The following SPTLC2 variants were observed in gnomAD, a reference collection of about 807,000 sequenced individuals.
The protein encoded by SPTLC2 is serine palmitoyltransferase 2.
SPTLC2 carries 21 observed loss-of-function variants against 62.0 expected under a neutral mutation model. The observed-to-expected ratio is 0.34, with a 90% CI of 0.24 to 0.49. The LOEUF (loss-of-function observed/expected upper bound fraction) is 0.49. Among genes scored for constraint, SPTLC2 ranks in the 20% least tolerant of loss-of-function variants. The pLI is 0.99. For missense variants in SPTLC2, 511 were observed against 713.0 expected (o/e 0.72, Z 3.23); for synonymous variants, 261 against 261.8 (o/e 1.00, Z 0.03).
intron 5 of SPTLC2, among the ~76,000 whole-genome samples, chr14:77,563,989 T>G (rs2079628854): frequency 6.6e-6 from 1 of 151,848 alleles, no homozygotes; most frequent in Non-Finnish European, 1.5e-5. Context: ...TGGTGGCTCA[T>G]GCCTGTAATC....
At chr14:77,564,878 C>G (rs943588555) in intron 5 of SPTLC2, among the ~76,000 whole-genome samples, 1 of 152,040 alleles carries the variant, frequency 6.6e-6, no homozygotes, top group Non-Finnish European at 1.5e-5. Context: ...AGCAAGAACT[C>G]TTCCTTACAC....
chr14:77,531,507 C>CTCTTCTTCT lies in SPTLC2; in HGVS notation c.1304-9935_1304-9927dup, dbSNP rs1397153203. Among the ~76,000 whole-genome samples the CTCTTCTTCT allele has an allele frequency of 9.2e-3, 601 of 65,362 alleles. 47 individuals carry two copies. Among genetic ancestry groups the CTCTTCTTCT allele is most frequent in the Admixed American group, 0.089 (476 of 5,340 alleles). The allele number at this position is 65,362 out of a possible 152,430, so 42.9% of individuals were successfully genotyped here. On this transcript the variant is annotated intron_variant, in intron 9 of 11. Transcript: ENST00000216484. ...CCTCCTCCTCCTCCTCCTCCTCCTC[C>CTCTTCTTCT]TCTTCTTCTTCTTCTTCTTTTTTGT...
At chr14:77,590,308 C>T (rs930625592) in intron 2 of SPTLC2, among the ~76,000 whole-genome samples, 3 of 152,150 alleles carry the variant, frequency 2.0e-5, no homozygotes, top group East Asian at 1.9e-4. Context: ...ATTTACCGAG[C>T]GTCTAATATG....
At chr14:77,557,585 A>G (rs1050523109) in intron 6 of SPTLC2, among the ~76,000 whole-genome samples, 2 of 152,222 alleles carry the variant, frequency 1.3e-5, no homozygotes, top group Admixed American at 1.3e-4. Flanking sequence ...TCCTCCTAAA[A>G]AAACAAACGC....
At chr14:77,610,637 C>T (rs963557732) in intron 1 of SPTLC2, among the ~76,000 whole-genome samples, 4 of 152,070 alleles carry the variant, frequency 2.6e-5, no homozygotes, top group African/African-American at 9.7e-5. Flanking sequence ...AGTATCAGTA[C>T]AACCGCATAT....
At chr14:77,596,229 C>T (rs2079846371) in intron 2 of SPTLC2, among the ~76,000 whole-genome samples, 1 of 151,996 alleles carries the variant, frequency 6.6e-6, no homozygotes, top group Non-Finnish European at 1.5e-5. Context: ...GTCCCAGATA[C>T]TGGGGAGGCT....
At chr14:77,531,344 A>G (rs1458278785) in intron 9 of SPTLC2, among the ~76,000 whole-genome samples, 1 of 152,138 alleles carries the variant, frequency 6.6e-6, no homozygotes, top group Non-Finnish European at 1.5e-5. Context: ...TATGCTTCTC[A>G]GGAAGATGGT....
chr14:77,604,857 A>G (rs1293166160), intron 1 of SPTLC2, among the ~76,000 whole-genome samples: 1 of 131,134 alleles, frequency 7.6e-6, no homozygotes, highest in Non-Finnish European at 1.6e-5. Flanking sequence ...AAAAAGCAAG[A>G]CTCTTTCTCA....
At chr14:77,544,747 G>A (rs1396521185) in intron 9 of SPTLC2, among the ~76,000 whole-genome samples, 2 of 152,140 alleles carry the variant, frequency 1.3e-5, no homozygotes, top group East Asian at 1.9e-4. Flanking sequence ...AAGTCCTGAC[G>A]TTGCGCCTCC....
Position 77,551,752 on chromosome 14 carries a change from T to C in SPTLC2, c.1303+344A>G, listed in dbSNP as rs192328419. ...TTATGAAAACAGCAGCTCTTAACTA[T>C]GCTGTTAATGAAACATCACTAACAG... On this transcript the variant is annotated intron_variant, in intron 9 of 11. Coordinates refer to ENST00000216484, the MANE Select transcript of SPTLC2 (RefSeq NM_004863.4). Among the ~76,000 whole-genome samples, 4 of 152,320 alleles carry C rather than the reference T, an allele frequency of 2.6e-5. 1 individual carries two copies. The East Asian group carries it at 7.7e-4, about 29-fold the overall frequency.
At chr14:77,614,406 C>T (rs8021200) in intron 1 of SPTLC2, among the ~76,000 whole-genome samples, 124,127 of 148,458 alleles carry the variant, frequency 0.84, 50,704 homozygotes, top group East Asian at 0.96. Context: ...GGCTCACACC[C>T]GTAATCCCAG....
At chr14:77,525,440 A>C (rs2139997295) in intron 9 of SPTLC2, among the ~76,000 whole-genome samples, 1 of 152,004 alleles carries the variant, frequency 6.6e-6, no homozygotes, top group East Asian at 1.9e-4. Flanking sequence ...AAAATACAAA[A>C]TTAGCCAGGT....
At position 77,542,389 on chromosome 14, in the gene SPTLC2, G is replaced by C. The variant is rs141974080; in HGVS notation, c.1303+9707C>G. ...TGGCACTGGAAAATCTTTCTGTTAA[G>C]AAAAGGAAAATAAATGGACCTTCAA... On this transcript the variant is annotated intron_variant, in intron 9 of 11. Transcript: ENST00000216484. Among the ~76,000 whole-genome samples, 616 of 152,240 alleles carry C rather than the reference G, an allele frequency of 4.0e-3. 4 individuals carry two copies. The highest frequency in any genetic ancestry group is 6.8e-3 in the Middle Eastern group (2 of 294).
intron 6 of SPTLC2, among the ~76,000 whole-genome samples, chr14:77,559,096 A>G (rs7156665): frequency 0.96 from 146,321 of 152,266 alleles, 70,576 homozygotes; most frequent in Middle Eastern, 1. Flanking sequence ...GAGGCGGGTG[A>G]ATCGCTTAAG....
Position 77,557,437 on chromosome 14 carries a change from T to C in SPTLC2, c.851-291A>G, listed in dbSNP as rs961875635. 1.2e-4 allele frequency: 48 copies of C among 416,638 alleles called. 1 individual carries two copies. The South Asian group carries it at 1.2e-3, about 10-fold the overall frequency. The allele number at this position is 416,638 out of a possible 1,614,324, so 25.8% of individuals were successfully genotyped here. ...GACCAGTGTCTCATGTTAAATACCC[T>C]GCCATTAAGTTAGCTTCTGTGTGTT... On this transcript the variant is annotated intron_variant, in intron 6 of 11. Coordinates refer to ENST00000216484, the MANE Select transcript of SPTLC2 (RefSeq NM_004863.4).
chr14:77,589,481 ACT>A (rs2079803065), intron 2 of SPTLC2, among the ~76,000 whole-genome samples: 1 of 80,332 alleles, frequency 1.2e-5, no homozygotes, highest in African/African-American at 4.0e-5. Context: ...CATATCTTAA[ACT>A]TTTTTTTTTT....
intron 1 of SPTLC2, among the ~76,000 whole-genome samples, chr14:77,598,156 A>C (rs1398902024): frequency 6.6e-6 from 1 of 151,806 alleles, no homozygotes; most frequent in South Asian, 2.1e-4. Flanking sequence ...TGTAAGCAAC[A>C]GTCAAATCTA....
chr14:77,542,783 C>T (rs796379232), intron 9 of SPTLC2, among the ~76,000 whole-genome samples: 1 of 152,154 alleles, frequency 6.6e-6, no homozygotes, highest in African/African-American at 2.4e-5. Flanking sequence ...CAGTTTATCA[C>T]CCCCACCCTC....
chr14:77,595,466 T>C (rs1424613764), intron 2 of SPTLC2, among the ~76,000 whole-genome samples: 2 of 152,182 alleles, frequency 1.3e-5, no homozygotes, highest in Non-Finnish European at 2.9e-5. Flanking sequence ...ATGCAGGGCT[T>C]TGCATTCAAA....
Sources: allele counts gnomAD v4.1 joint callset (sites outside exome capture counted in the v4.1 genomes callset), GRCh38; gene constraint gnomAD v4.1.1; transcripts MANE v1.5; gene names NCBI Gene and HGNC (gene_info 2026-07-23, HGNC 2026-07-21).